MYO16: variants seen among roughly 807,000 people sequenced by gnomAD.
MYO16 encodes unconventional myosin-XVI.
MYO16 carries 94 observed loss-of-function variants against 205.3 expected under a neutral mutation model. The ratio of observed to expected loss-of-function variants is 0.46; its 90% confidence interval spans 0.39 to 0.54. The LOEUF (loss-of-function observed/expected upper bound fraction) is 0.54, where lower values mean the gene tolerates loss of function less well. Ranked by LOEUF, MYO16 falls within the 20% of genes least tolerant of loss-of-function variation. The probability of loss-of-function intolerance (pLI) is 0.00; values close to 1 mark genes in which losing one functional copy is unlikely to be tolerated. For missense variants in MYO16, 2,315 were observed against 2,387.5 expected (o/e 0.97, Z 0.63); for synonymous variants, 988 against 954.0 (o/e 1.04, Z -0.66).
chr13:109,058,350 C>T (rs539184305), intron 27 of MYO16, among the ~76,000 whole-genome samples: 3 of 152,228 alleles, frequency 2.0e-5, no homozygotes, highest in Admixed American at 6.5e-5. Flanking sequence ...CAGAATTCCT[C>T]AGTGACTGGT....
chr13:108,873,072 A>G (rs1187877161), intron 12 of MYO16, among the ~76,000 whole-genome samples: 2 of 152,250 alleles, frequency 1.3e-5, no homozygotes, highest in Admixed American at 1.3e-4. Context: ...CCTATCAGAT[A>G]TTCATTAAAA....
At chr13:108,646,536 C>T (rs17387405) in intron 1 of MYO16, among the ~76,000 whole-genome samples, 6,849 of 152,182 alleles carry the variant, frequency 0.045, 186 homozygotes, top group South Asian at 0.13. Flanking sequence ...GGCATTAAGC[C>T]TTCATCTTTG....
Position 108,622,676 on chromosome 13 carries a change from A to T in MYO16, c.-39+26437A>T, listed in dbSNP as rs1879589474. Among the ~76,000 whole-genome samples, 5 of 146,438 alleles carry T rather than the reference A, an allele frequency of 3.4e-5. 1 individual carries two copies. The Admixed American group carries it at 3.4e-4, about 10-fold the overall frequency. Reference sequence around the variant, plus strand: ...GATGTTGGTGGGGGATGGAAAAGAGAGGGATGGTGGGGGATGGACGAGAGG... The same window carrying T: ...GATGTTGGTGGGGGATGGAAAAGAGTGGGATGGTGGGGGATGGACGAGAGG... On this transcript the variant is annotated intron_variant, in intron 1 of 24. Coordinates refer to the MYO16 transcript ENST00000251041.
chr13:108,636,369 T>TGTGTG (rs1186142611), intron 1 of MYO16, among the ~76,000 whole-genome samples: 3 of 51,362 alleles, frequency 5.8e-5, no homozygotes, highest in East Asian at 1.6e-3. Flanking sequence ...TTTTTTTTTT[T>TGTGTG]TGTGTGTGTG....
intron 11 of MYO16, among the ~76,000 whole-genome samples, chr13:108,857,891 T>C (rs1419687242): frequency 6.6e-6 from 1 of 152,224 alleles, no homozygotes; most frequent in Non-Finnish European, 1.5e-5. Context: ...AATACTACTC[T>C]CTGCTTTCCG....
At chr13:108,729,323 C>T (rs1423826475) in intron 4 of MYO16, among the ~76,000 whole-genome samples, 2 of 152,106 alleles carry the variant, frequency 1.3e-5, no homozygotes, top group African/African-American at 4.8e-5. Flanking sequence ...ACCTGATCAA[C>T]TTTAGACATC....
At chr13:108,900,181 T>G (rs928591975) in intron 15 of MYO16, among the ~76,000 whole-genome samples, 4 of 152,220 alleles carry the variant, frequency 2.6e-5, no homozygotes, top group Non-Finnish European at 5.9e-5. Flanking sequence ...GTCCTTTTCT[T>G]TAGGAATGTT....
intron 16 of MYO16, among the ~76,000 whole-genome samples, chr13:108,920,615 C>T (rs577635365): frequency 4.6e-5 from 7 of 152,188 alleles, no homozygotes; most frequent in South Asian, 4.1e-4. Context: ...CCTGCCACCA[C>T]GCCCGGCTAA....
At chr13:108,799,579 T>G (rs1886907867) in intron 6 of MYO16, among the ~76,000 whole-genome samples, 1 of 152,196 alleles carries the variant, frequency 6.6e-6, no homozygotes, top group Non-Finnish European at 1.5e-5. Context: ...TTTGTGCTCA[T>G]TGTTGAAGAA....
chr13:108,701,874 C>A (rs9583282), intron 2 of MYO16, among the ~76,000 whole-genome samples: 28,304 of 151,848 alleles, frequency 0.19, 2,861 homozygotes, highest in Middle Eastern at 0.24. Context: ...ATTATAAAAA[C>A]AAACAAATAG....
intron 7 of MYO16, among the ~76,000 whole-genome samples, chr13:108,807,153 T>C (rs776165808): frequency 1.3e-5 from 2 of 152,204 alleles, no homozygotes; most frequent in Non-Finnish European, 2.9e-5. Flanking sequence ...GCAAATATTT[T>C]ATTCATCGCA....
chr13:109,132,692 T>A (rs749167621), intron 31 of MYO16, among the ~76,000 whole-genome samples: 12 of 152,196 alleles, frequency 7.9e-5, no homozygotes, highest in Admixed American at 1.3e-4. Flanking sequence ...TTTAAAAAAA[T>A]TTTAAATGGA....
chr13:108,554,865 A>G, the MYO16 span, among the ~76,000 whole-genome samples: 1 of 151,196 alleles, frequency 6.6e-6, no homozygotes, highest in Non-Finnish European at 1.5e-5. Flanking sequence ...AAAAAAAAAA[A>G]AAAAAAAAGA....
At chr13:108,939,411 G>A (rs2139310817) in intron 16 of MYO16, among the ~76,000 whole-genome samples, 1 of 152,298 alleles carries the variant, frequency 6.6e-6, no homozygotes, top group East Asian at 1.9e-4. Flanking sequence ...ACTTTTATTA[G>A]TCACATGCCA....
rs546040310 is a variant in MYO16, at chr13:108,786,918, G to A, written c.616+1175G>A. 3.3e-5 allele frequency among the ~76,000 whole-genome samples: 5 copies of A among 152,306 alleles called. No homozygotes were observed. In the East Asian group the frequency reaches 7.7e-4, roughly 24 times the overall value. ...ACTTTCTCCAAGTCTTGTTAGCTGT[G>A]CCTCGTAGGAGGCAGATTCCATTAC... On this transcript the variant is annotated intron_variant, in intron 5 of 34. Coordinates refer to ENST00000457511, the MANE Select transcript of MYO16 (RefSeq NM_001198950.3).
intron 2 of MYO16, among the ~76,000 whole-genome samples, chr13:108,683,984 T>C (rs1882570471): frequency 6.6e-6 from 1 of 152,208 alleles, no homozygotes; most frequent in Non-Finnish European, 1.5e-5. Flanking sequence ...TAAGTGATTA[T>C]CCTACCTCAG....
chr13:108,874,624 A>C (rs1030874480), intron 12 of MYO16, among the ~76,000 whole-genome samples: 1 of 151,812 alleles, frequency 6.6e-6, no homozygotes, highest in Non-Finnish European at 1.5e-5. Context: ...ATGCAGCTCC[A>C]GAGCGAATGC....
At chr13:108,792,557 G>A (rs148503680) in intron 5 of MYO16, among the ~76,000 whole-genome samples, 1,886 of 145,350 alleles carry the variant, frequency 0.013, 33 homozygotes, top group African/African-American at 0.045. Flanking sequence ...TGGTGCCCAG[G>A]CTGGAGTGCA....
At chr13:108,497,597 G>A in the MYO16 span, among the ~76,000 whole-genome samples, 1 of 152,136 alleles carries the variant, frequency 6.6e-6, no homozygotes, top group Non-Finnish European at 1.5e-5. Flanking sequence ...TCATCTAGAG[G>A]GCAGAATGCT....
Sources: allele counts gnomAD v4.1 joint callset (sites outside exome capture counted in the v4.1 genomes callset), GRCh38; gene constraint gnomAD v4.1.1; transcripts MANE v1.5; gene names NCBI Gene and HGNC (gene_info 2026-07-23, HGNC 2026-07-21).